The following LAMA2 variants were observed in gnomAD, a reference collection of about 807,000 sequenced individuals.
The protein encoded by LAMA2 is laminin subunit alpha-2.
A neutral mutation model predicts 364.8 loss-of-function variants in LAMA2; 269 were observed. That is an observed-to-expected ratio of 0.74 (90% CI 0.67 to 0.82). The LOEUF (loss-of-function observed/expected upper bound fraction) is 0.82, where lower values mean the gene tolerates loss of function less well. Among genes scored for constraint, LAMA2 ranks in the 40% least tolerant of loss-of-function variants. The pLI, the probability that LAMA2 is intolerant of heterozygous loss-of-function variation, is 0.00. For missense variants in LAMA2, 3,807 were observed against 3,873.2 expected, an observed-to-expected ratio of 0.98 and a Z score of 0.45; for synonymous variants, 1,379 against 1,370.6, an observed-to-expected ratio of 1.01 and a Z score of -0.14.
chr6:128,957,417 A>G (rs1383520158), intron 1 of LAMA2, among the ~76,000 whole-genome samples: 1 of 152,090 alleles, frequency 6.6e-6, no homozygotes, highest in Non-Finnish European at 1.5e-5. Context: ...CATTCTATCA[A>G]TTTCAAGTGT....
chr6:129,378,700 G>A (rs1046375497), intron 34 of LAMA2, among the ~76,000 whole-genome samples: 1 of 151,922 alleles, frequency 6.6e-6, no homozygotes, highest in Non-Finnish European at 1.5e-5. Context: ...ATAGTGTTGG[G>A]TACAAACAAA....
chr6:129,294,397 G>T (rs532015694), intron 20 of LAMA2, among the ~76,000 whole-genome samples: 2 of 152,312 alleles, frequency 1.3e-5, no homozygotes, highest in South Asian at 4.1e-4. Context: ...AGGCTGGGAA[G>T]TACAAGATCC....
intron 20 of LAMA2, among the ~76,000 whole-genome samples, chr6:129,295,789 G>GCA (rs1562427873): frequency 2.5e-5 from 2 of 81,440 alleles, no homozygotes; most frequent in African/African-American, 8.1e-5. Context: ...ATGAGTAAAT[G>GCA]TATATATATA....
intron 44 of LAMA2, among the ~76,000 whole-genome samples, chr6:129,444,945 A>G (rs1782293714): frequency 6.6e-6 from 1 of 152,262 alleles, no homozygotes; most frequent in Non-Finnish European, 1.5e-5. Flanking sequence ...CTGAAAGTCT[A>G]TGGATCAGTG....
chr6:129,338,828 G>A (rs922251222), intron 29 of LAMA2, among the ~76,000 whole-genome samples: 21 of 152,292 alleles, frequency 1.4e-4, no homozygotes, highest in East Asian at 3.9e-4. Context: ...CTAAGGATTT[G>A]CAAATGAAAA....
At chr6:129,414,258 A>G (rs1226922998) in intron 40 of LAMA2, among the ~76,000 whole-genome samples, 2 of 152,242 alleles carry the variant, frequency 1.3e-5, no homozygotes, top group Middle Eastern at 3.4e-3. Context: ...AAAAATGTAA[A>G]GGACCCATTA....
At position 128,962,185 on chromosome 6, in the gene LAMA2, T is replaced by TATATATATATATAC. The variant is rs1214826895; in HGVS notation, c.112+78829_112+78830insTATATATATATACA. 2.7e-3 allele frequency among the ~76,000 whole-genome samples: 277 copies of TATATATATATATAC among 103,888 alleles called. 15 individuals carry two copies. Among genetic ancestry groups the TATATATATATATAC allele is most frequent in the Non-Finnish European group, 3.9e-3 (197 of 50,002 alleles). 68.2% of individuals were successfully genotyped at this position (103,888 alleles called of 152,430 possible). On this transcript the variant is annotated intron_variant, in intron 1 of 64. Transcript: ENST00000421865. The stretch of plus-strand genomic sequence containing the variant: ...ATATATATATATATATATATATATA[T>TATATATATATATAC]ACACACATACACACACACATACACA...
At position 129,188,831 on chromosome 6, in the gene LAMA2, A is replaced by T. The variant is rs552072782; in HGVS notation, c.1468-1374A>T. On this transcript the variant is annotated intron_variant, in intron 10 of 64. Coordinates refer to ENST00000421865, the MANE Select transcript of LAMA2 (RefSeq NM_000426.4). ...GGAGGACTGCTTTGTTTATTCTTAA[A>T]TTTTTCTCCTTACTTCTTCATGCTA... 4.1e-4 allele frequency among the ~76,000 whole-genome samples: 62 copies of T among 151,574 alleles called. 1 individual carries two copies. The South Asian group carries it at 0.012, about 29-fold the overall frequency.
chr6:128,950,975 A>G (rs1046472953), intron 1 of LAMA2, among the ~76,000 whole-genome samples: 14 of 152,188 alleles, frequency 9.2e-5, no homozygotes. Context: ...TAAAAATATC[A>G]TGTATTTCAA....
intron 12 of LAMA2, among the ~76,000 whole-genome samples, chr6:129,247,317 G>T (rs113571070): frequency 7.9e-5 from 12 of 152,186 alleles, no homozygotes; most frequent in African/African-American, 2.9e-4. Context: ...CAGTCATGAT[G>T]GCACACACCT....
chr6:129,152,204 A>G (rs1333073946), intron 7 of LAMA2, among the ~76,000 whole-genome samples: 1 of 152,216 alleles, frequency 6.6e-6, no homozygotes, highest in African/African-American at 2.4e-5. Flanking sequence ...TGAAGGAAGT[A>G]TCAATTAAAA....
At chr6:129,353,777 T>G (rs757766317) in intron 32 of LAMA2, among the ~76,000 whole-genome samples, 5 of 152,214 alleles carry the variant, frequency 3.3e-5, no homozygotes, top group Non-Finnish European at 5.9e-5. Context: ...GAATGACAAC[T>G]GATGTTTCTT....
intron 35 of LAMA2, 128 bp downstream of exon 35, chr6:129,383,361 G>C: frequency 1.3e-6 from 1 of 792,410 alleles, no homozygotes; most frequent in East Asian, 2.7e-5. Context: ...GTTTCAAAAA[G>C]TAGTGTGGTT....
chr6:129,421,693 C>G (rs1781083219), intron 40 of LAMA2, among the ~76,000 whole-genome samples: 1 of 152,108 alleles, frequency 6.6e-6, no homozygotes, highest in Admixed American at 6.5e-5. Flanking sequence ...AAAGCCTGTC[C>G]TTTAAACCCA....
chr6:129,259,826 G>A lies in LAMA2; in HGVS notation c.2097-885G>A, dbSNP rs140824864. Among the ~76,000 whole-genome samples, 322 of 152,150 alleles carry A rather than the reference G, an allele frequency of 2.1e-3. 1 individual carries two copies. Among genetic ancestry groups the A allele is most frequent in the Non-Finnish European group, 3.5e-3 (237 of 67,964 alleles). On this transcript the variant is annotated intron_variant, in intron 14 of 64. Coordinates refer to ENST00000421865, the MANE Select transcript of LAMA2 (RefSeq NM_000426.4). Reference sequence around the variant, plus strand: ...AAGTTATTTTCTTCTAGGCCACAAGGCTGGTAAATATCAGAGACAGGATAT... The same window carrying A: ...AAGTTATTTTCTTCTAGGCCACAAGACTGGTAAATATCAGAGACAGGATAT...
rs544261066 is a variant in LAMA2 at position 129,291,520 on chromosome 6, G to A, written c.2750-94G>A. The A allele has an allele frequency of 3.1e-4, 263 of 858,982 alleles. 5 individuals are homozygous for A. The East Asian group carries it at 3.6e-3, about 12-fold the overall frequency. 53.2% of individuals were successfully genotyped at this position (858,982 alleles called of 1,614,324 possible). On this transcript the variant is annotated intron_variant, in intron 19 of 64. Coordinates refer to ENST00000421865, the MANE Select transcript of LAMA2 (RefSeq NM_000426.4). ...AAACATTCTGTTACTGAACTTAGGC[G>A]TCCATGTTACCATGTGGGGTATATT...
intron 5 of LAMA2, 106 bp downstream of exon 5, chr6:129,144,186 T>C: frequency 1.3e-6 from 1 of 767,582 alleles, no homozygotes. Context: ...GAGTGGTTAT[T>C]ATCAAATTTT....
chr6:129,283,854 T>C (rs932444919), intron 18 of LAMA2, among the ~76,000 whole-genome samples: 6 of 151,964 alleles, frequency 3.9e-5, no homozygotes, highest in Non-Finnish European at 8.8e-5. Context: ...ATGCAGAGCA[T>C]GGGCTACAGA....
At chr6:129,348,650 A>G (rs1015119721) in intron 30 of LAMA2, among the ~76,000 whole-genome samples, 8 of 152,028 alleles carry the variant, frequency 5.3e-5, no homozygotes, top group Non-Finnish European at 1.0e-4. Context: ...GGGAAGTTTT[A>G]TAAGACCTAA....
Sources: allele counts gnomAD v4.1 joint callset (sites outside exome capture counted in the v4.1 genomes callset), GRCh38; gene constraint gnomAD v4.1.1; transcripts MANE v1.5; gene names NCBI Gene and HGNC (gene_info 2026-07-23, HGNC 2026-07-21).